ATP6V1H: variants seen among roughly 807,000 people sequenced by gnomAD.
The protein encoded by ATP6V1H is ATPase H+ transporting V1 subunit H, also known as V-type proton ATPase subunit H.
A neutral mutation model predicts 71.7 loss-of-function variants in ATP6V1H; 39 were observed. The observed-to-expected ratio is 0.54, with a 90% CI of 0.42 to 0.71. ATP6V1H has a LOEUF of 0.71. Ranked by LOEUF, ATP6V1H falls within the 30% of genes least tolerant of loss-of-function variation. The probability of loss-of-function intolerance (pLI) is 0.00; values close to 1 mark genes in which losing one functional copy is unlikely to be tolerated. For synonymous variants in ATP6V1H, 192 were observed against 199.3 expected (o/e 0.96, Z 0.31); for missense variants, 509 against 594.9 (o/e 0.86, Z 1.50).
intron 9 of ATP6V1H, among the ~76,000 whole-genome samples, chr8:53,793,654 A>G (rs1207234601): frequency 6.6e-6 from 1 of 151,990 alleles, no homozygotes. Flanking sequence ...TCAAAAAAAA[A>G]ATGGTGGGGT....
intron 13 of ATP6V1H, among the ~76,000 whole-genome samples, chr8:53,732,811 C>T (rs1807071369): frequency 6.6e-6 from 1 of 152,012 alleles, no homozygotes; most frequent in Non-Finnish European, 1.5e-5. Flanking sequence ...CCCAGCCTAC[C>T]CCCGCTTTAC....
rs771448577 is a variant in ATP6V1H, at chr8:53,817,548, T to C, written c.307-18A>G. Reference sequence around the variant, plus strand: ...TGATTTTCCTAAAAAAGAAAAGAAATGATATCACCAGTCAGAACACATTTT... The same window carrying C: ...TGATTTTCCTAAAAAAGAAAAGAAACGATATCACCAGTCAGAACACATTTT... On this transcript the variant is annotated intron_variant, in intron 4 of 13. Coordinates refer to ENST00000359530, the MANE Select transcript of ATP6V1H (RefSeq NM_015941.4). 10 of 1,509,052 alleles carry C rather than the reference T, an allele frequency of 6.6e-6. No homozygotes were observed. Among genetic ancestry groups the C allele is most frequent in the African/African-American group, 5.5e-5 (4 of 72,282 alleles). 93.5% of individuals were successfully genotyped at this position (1,509,052 alleles called of 1,614,324 possible).
Position 53,807,354 on chromosome 8 carries a change from CT to C in ATP6V1H, c.579+3809del, listed in dbSNP as rs1424181946. On this transcript the variant is annotated intron_variant, in intron 7 of 13. Coordinates refer to ENST00000359530, the MANE Select transcript of ATP6V1H (RefSeq NM_015941.4). Reference sequence around the variant, plus strand: ...GTGGCTCACGTCTGTAATCCCAGCACTTTGGGAGGCCGAGGTGGGCAGATTA... The same window carrying C: ...GTGGCTCACGTCTGTAATCCCAGCACTTGGGAGGCCGAGGTGGGCAGATTA... Among the ~76,000 whole-genome samples, 6 of 151,952 alleles carry C rather than the reference CT, an allele frequency of 3.9e-5. No individual in the cohort carries two copies. In the East Asian group the frequency reaches 9.7e-4, roughly 25 times the overall value.
At chr8:53,718,742 T>C (rs1474580049) in intron 13 of ATP6V1H, among the ~76,000 whole-genome samples, 3 of 152,202 alleles carry the variant, frequency 2.0e-5, no homozygotes, top group Non-Finnish European at 4.4e-5. Context: ...CATCTACTTC[T>C]TCCTGACCTA....
chr8:53,801,280 T>A (rs916518749), intron 8 of ATP6V1H, among the ~76,000 whole-genome samples: 26 of 152,350 alleles, frequency 1.7e-4, no homozygotes, highest in South Asian at 2.1e-4. Context: ...TAAAAGCAGT[T>A]AGATCTCTCA....
At chr8:53,792,113 T>C (rs1563469051) in intron 9 of ATP6V1H, among the ~76,000 whole-genome samples, 6 of 152,188 alleles carry the variant, frequency 3.9e-5, no homozygotes. Context: ...TGATTATTAT[T>C]TTAGCTGGAC....
chr8:53,826,890 T>C (rs1163982666), intron 4 of ATP6V1H, among the ~76,000 whole-genome samples: 2 of 151,194 alleles, frequency 1.3e-5, no homozygotes, highest in Non-Finnish European at 1.5e-5. Context: ...AGGCAGAGGT[T>C]GCGGTGAGCG....
intron 8 of ATP6V1H, among the ~76,000 whole-genome samples, chr8:53,798,500 G>A (rs1470772969): frequency 6.6e-6 from 1 of 151,894 alleles, no homozygotes; most frequent in Non-Finnish European, 1.5e-5. Context: ...CAGCCTGGGT[G>A]AGACTCTGTC....
intron 13 of ATP6V1H, among the ~76,000 whole-genome samples, chr8:53,736,963 A>G (rs779238979): frequency 6.6e-6 from 1 of 152,232 alleles, no homozygotes; most frequent in Non-Finnish European, 1.5e-5. Flanking sequence ...GGCATTGTAT[A>G]AGGAAGCATT....
chr8:53,738,161 G>A (rs925507317), intron 13 of ATP6V1H, among the ~76,000 whole-genome samples: 16 of 152,170 alleles, frequency 1.1e-4, no homozygotes, highest in African/African-American at 3.6e-4. Flanking sequence ...GCTGGGTGTG[G>A]TGGCGGGCAC....
intron 2 of ATP6V1H, among the ~76,000 whole-genome samples, chr8:53,833,554 GA>G (rs770822594): frequency 1.8e-4 from 24 of 134,646 alleles, no homozygotes; most frequent in African/African-American, 3.6e-4. Flanking sequence ...CCTCCAGACA[GA>G]AAAAAAAAAA....
chr8:53,775,367 G>T (rs1808834903), intron 9 of ATP6V1H, among the ~76,000 whole-genome samples: 2 of 152,210 alleles, frequency 1.3e-5, no homozygotes, highest in Non-Finnish European at 2.9e-5. Context: ...GACCGGAGCG[G>T]GTTGCCAATG....
intron 8 of ATP6V1H, among the ~76,000 whole-genome samples, chr8:53,801,222 T>A (rs1475387205): frequency 7.2e-6 from 1 of 138,348 alleles, no homozygotes; most frequent in Non-Finnish European, 1.5e-5. Flanking sequence ...CTCTGTAGAT[T>A]TTCTAACAGA....
chr8:53,802,552 C>G (rs369782100), intron 7 of ATP6V1H, among the ~76,000 whole-genome samples: 12 of 152,098 alleles, frequency 7.9e-5, no homozygotes, highest in African/African-American at 2.9e-4. Flanking sequence ...AACCCCATAT[C>G]TACTAAAAAT....
intron 4 of ATP6V1H, among the ~76,000 whole-genome samples, chr8:53,823,667 G>A (rs1810733397): frequency 6.6e-6 from 1 of 152,054 alleles, no homozygotes; most frequent in Non-Finnish European, 1.5e-5. Flanking sequence ...GTTGAGATGG[G>A]GTTTCACCAT....
intron 13 of ATP6V1H, among the ~76,000 whole-genome samples, chr8:53,733,788 T>G (rs1807108258): frequency 6.6e-6 from 1 of 152,018 alleles, no homozygotes; most frequent in Non-Finnish European, 1.5e-5. Context: ...TGAATAGGGG[T>G]CTCAACAGCA....
rs537839619 is a variant in ATP6V1H at position 53,753,403 on chromosome 8, T to C, written c.1277+3152A>G. On this transcript the variant is annotated intron_variant, in intron 12 of 13. Coordinates refer to ENST00000359530, the MANE Select transcript of ATP6V1H (RefSeq NM_015941.4). ...GCATGATGGGAGAGATCATTCTTCT[T>C]AGGGAGAGACAGTAAGGCAGGGAGA... Among the ~76,000 whole-genome samples the C allele has an allele frequency of 6.6e-5, 10 of 152,256 alleles. No homozygotes were observed. The South Asian group carries it at 2.1e-3, about 32-fold the overall frequency.
At chr8:53,842,204 T>C (rs1951651685) in intron 1 of ATP6V1H, among the ~76,000 whole-genome samples, 1 of 152,190 alleles carries the variant, frequency 6.6e-6, no homozygotes, top group Non-Finnish European at 1.5e-5. Context: ...CAAATTAAAA[T>C]ACACAAAGTG....
intron 4 of ATP6V1H, among the ~76,000 whole-genome samples, chr8:53,819,841 CAT>C (rs1469790981): frequency 6.8e-6 from 1 of 147,366 alleles, no homozygotes; most frequent in African/African-American, 2.5e-5. Flanking sequence ...CACACACACA[CAT>C]ACATACATAC....
Sources: allele counts gnomAD v4.1 joint callset (sites outside exome capture counted in the v4.1 genomes callset), GRCh38; gene constraint gnomAD v4.1.1; transcripts MANE v1.5; gene names NCBI Gene and HGNC (gene_info 2026-07-23, HGNC 2026-07-21).